GRIK2: variants seen among roughly 807,000 people sequenced by gnomAD.
GRIK2 encodes glutamate ionotropic receptor kainate type subunit 2.
Under a neutral mutation model 100.3 loss-of-function variants are expected in GRIK2, and 32 were observed. The observed-to-expected ratio is 0.32, with a 90% confidence interval of 0.24 to 0.43. GRIK2 has a LOEUF of 0.43. GRIK2 is among the 20% of genes least tolerant of loss of function. The probability of loss-of-function intolerance (pLI) is 1.00; values close to 1 mark genes in which losing one functional copy is unlikely to be tolerated. For synonymous variants in GRIK2, 417 were observed against 389.4 expected, an observed-to-expected ratio of 1.07 and a Z score of -0.83; for missense variants, 843 against 1,114.9, an observed-to-expected ratio of 0.76 and a Z score of 3.47.
At chr6:101,549,602 T>C (rs1776412510) in intron 2 of GRIK2, among the ~76,000 whole-genome samples, 1 of 152,136 alleles carries the variant, frequency 6.6e-6, no homozygotes. Flanking sequence ...TTTCTTTTAG[T>C]TTAAGTTTTT....
At chr6:101,647,582 G>A (rs1781589258) in intron 4 of GRIK2, among the ~76,000 whole-genome samples, 1 of 151,916 alleles carries the variant, frequency 6.6e-6, no homozygotes. Context: ...AGTGTCTCCA[G>A]TTTTAGAAAG....
At chr6:101,465,866 T>G (rs529434712) in intron 2 of GRIK2, among the ~76,000 whole-genome samples, 39 of 152,338 alleles carry the variant, frequency 2.6e-4, no homozygotes, top group Middle Eastern at 3.4e-3. Flanking sequence ...TATCTTTAAT[T>G]TGGAGAATAA....
intron 2 of GRIK2, among the ~76,000 whole-genome samples, chr6:101,493,962 T>TATATATAATTTATATATAATATATATA (rs1360297734): frequency 5.6e-5 from 6 of 106,832 alleles, no homozygotes; most frequent in Admixed American, 1.0e-4. Context: ...ATATATATAT[T>TATATATAATTTATATATAATATATATA]TTATATATAA....
chr6:101,882,832 C>G (rs1424950761), intron 11 of GRIK2, among the ~76,000 whole-genome samples: 1 of 151,966 alleles, frequency 6.6e-6, no homozygotes, highest in African/African-American at 2.4e-5. Flanking sequence ...GCTTTAATCT[C>G]ATCAGTTTTT....
chr6:101,692,002 T>C (rs1313999819), intron 7 of GRIK2, among the ~76,000 whole-genome samples: 9 of 131,080 alleles, frequency 6.9e-5, no homozygotes, highest in Non-Finnish European at 1.1e-4. Flanking sequence ...CAGTGAACAG[T>C]GTTCACCCAG....
intron 2 of GRIK2, among the ~76,000 whole-genome samples, chr6:101,426,846 T>G (rs909106006): frequency 3.9e-5 from 6 of 152,200 alleles, no homozygotes; most frequent in African/African-American, 1.4e-4. Flanking sequence ...TGGCCTGGCA[T>G]TTAAAGTCCT....
rs574418040 is a variant in GRIK2, at chr6:101,452,051, T to C, written c.115+52659T>C. Among the ~76,000 whole-genome samples, 9 of 151,940 alleles carry C rather than the reference T, an allele frequency of 5.9e-5. No homozygotes were observed. In the South Asian group the frequency reaches 1.5e-3, roughly 24 times the overall value. The stretch of plus-strand genomic sequence containing the variant: ...TCATGCTATGTATATATTTAATACC[T>C]TTCTATTAATCAATTCACAAAACAT... On this transcript the variant is annotated intron_variant, in intron 2 of 16. Coordinates refer to ENST00000369134, the MANE Select transcript of GRIK2 (RefSeq NM_021956.5).
At chr6:102,056,389 C>T (rs1302575489) in intron 16 of GRIK2, among the ~76,000 whole-genome samples, 1 of 151,898 alleles carries the variant, frequency 6.6e-6, no homozygotes, top group Non-Finnish European at 1.5e-5. Context: ...CTTTCAGATG[C>T]TACATGATAC....
At chr6:101,395,585 G>C (rs1413169088) in intron 1 of GRIK2, among the ~76,000 whole-genome samples, 1 of 152,144 alleles carries the variant, frequency 6.6e-6, no homozygotes, top group African/African-American at 2.4e-5. Flanking sequence ...TGGCAGAATA[G>C]GAAACTAAAA....
At position 101,456,697 on chromosome 6, in the gene GRIK2, C is replaced by A. The variant is rs868758510; in HGVS notation, c.115+57305C>A. Among the ~76,000 whole-genome samples, 656 of 138,282 alleles carry A rather than the reference C, an allele frequency of 4.7e-3. 3 individuals are homozygous for A. Among genetic ancestry groups the A allele is most frequent in the African/African-American group, 0.016 (617 of 37,500 alleles). The allele number at this position is 138,282 out of a possible 152,430, so 90.7% of individuals were successfully genotyped here. A position where few individuals can be genotyped will look rare whatever the true frequency, so the allele number is the denominator to read the frequency against. ...TACAAGCTTAATTTGGAAAAAAAAA[C>A]CATAGAGTTTAAAAAAGAATGTAAG... is the stretch of plus-strand genomic sequence containing the variant. On this transcript the variant is annotated intron_variant, in intron 2 of 16. Transcript: ENST00000369134.
chr6:101,948,356 A>G (rs1047929830), intron 14 of GRIK2, among the ~76,000 whole-genome samples: 4 of 151,162 alleles, frequency 2.6e-5, no homozygotes, highest in African/African-American at 7.3e-5. Flanking sequence ...AGTAAGTGAC[A>G]TAAGCCACAA....
At chr6:101,994,758 C>T (rs1409587972) in intron 14 of GRIK2, among the ~76,000 whole-genome samples, 5 of 151,788 alleles carry the variant, frequency 3.3e-5, no homozygotes, top group Admixed American at 1.3e-4. Context: ...GAAAATTTCA[C>T]TTAATACATA....
chr6:102,060,605 A>G (rs1427103490), intron 16 of GRIK2, among the ~76,000 whole-genome samples: 1 of 150,734 alleles, frequency 6.6e-6, no homozygotes, highest in East Asian at 1.9e-4. Context: ...GGGGTAAGGT[A>G]TAGGAATGCA....
At chr6:101,618,611 C>T (rs1363763148) in intron 2 of GRIK2, among the ~76,000 whole-genome samples, 3 of 151,602 alleles carry the variant, frequency 2.0e-5, no homozygotes, top group Non-Finnish European at 3.0e-5. Context: ...TGTATTTTCT[C>T]GTATACTTCA....
intron 10 of GRIK2, among the ~76,000 whole-genome samples, chr6:101,850,339 A>C (rs1328100806): frequency 1.3e-5 from 2 of 151,976 alleles, no homozygotes; most frequent in Non-Finnish European, 2.9e-5. Flanking sequence ...GTAAGAGTTC[A>C]GTGTATGCTT....
At chr6:102,056,127 G>A (rs1301088103) in intron 16 of GRIK2, among the ~76,000 whole-genome samples, 15 of 151,822 alleles carry the variant, frequency 9.9e-5, no homozygotes, top group African/African-American at 3.6e-4. Flanking sequence ...TGTGAAAATA[G>A]TATAGTTTCT....
At chr6:101,494,475 C>T (rs1773318958) in intron 2 of GRIK2, among the ~76,000 whole-genome samples, 1 of 151,778 alleles carries the variant, frequency 6.6e-6, no homozygotes, top group Admixed American at 6.6e-5. Flanking sequence ...TATATTAGAA[C>T]ACTTGAAGTT....
chr6:101,995,175 A>C (rs904132165), intron 14 of GRIK2, among the ~76,000 whole-genome samples: 1 of 151,974 alleles, frequency 6.6e-6, no homozygotes, highest in Middle Eastern at 3.2e-3. Flanking sequence ...CCATCACATG[A>C]GATGAGAACA....
chr6:101,873,251 C>G (rs576021002), intron 11 of GRIK2, among the ~76,000 whole-genome samples: 2 of 121,728 alleles, frequency 1.6e-5, no homozygotes, highest in African/African-American at 3.1e-5. Context: ...CCCCCTCCCC[C>G]CACCCCACAA....
Sources: allele counts gnomAD v4.1 joint callset (sites outside exome capture counted in the v4.1 genomes callset), GRCh38; gene constraint gnomAD v4.1.1; transcripts MANE v1.5; gene names NCBI Gene and HGNC (gene_info 2026-07-23, HGNC 2026-07-21).